Variants in B3GALT5 observed in about 807,000 individuals in gnomAD.
B3GALT5 encodes beta-1,3-galactosyltransferase 5.
For synonymous variants in B3GALT5, 156 were observed against 158.6 expected (o/e 0.98, Z 0.12); for missense variants, 328 against 396.6 (o/e 0.83, Z 1.47).
intron 2 of B3GALT5, among the ~76,000 whole-genome samples, chr21:39,653,461 C>T (rs2079413970): frequency 6.6e-6 from 1 of 152,158 alleles, no homozygotes; most frequent in African/African-American, 2.4e-5. Flanking sequence ...AGTGGAGGGT[C>T]CTGGAGGGGC....
At chr21:39,634,971 C>T (rs1033699694) in intron 1 of B3GALT5, among the ~76,000 whole-genome samples, 1 of 152,166 alleles carries the variant, frequency 6.6e-6, no homozygotes, top group Non-Finnish European at 1.5e-5. Context: ...TTTGTCATCT[C>T]AAGGCAGAAA....
At chr21:39,639,359 C>CTTCCTTCCTTCT (rs2079261722) in intron 1 of B3GALT5, among the ~76,000 whole-genome samples, 1 of 100,540 alleles carries the variant, frequency 9.9e-6, no homozygotes, top group African/African-American at 3.6e-5. Context: ...TCCTTCCTTC[C>CTTCCTTCCTTCT]TTCCTTCCTT....
intron 2 of B3GALT5, among the ~76,000 whole-genome samples, chr21:39,656,567 C>T (rs1220409179): frequency 6.6e-6 from 1 of 152,204 alleles, no homozygotes; most frequent in Non-Finnish European, 1.5e-5. Context: ...CATAGTGGGG[C>T]TTGGCCATTG....
intron 1 of B3GALT5, among the ~76,000 whole-genome samples, chr21:39,626,389 T>G (rs145804621): frequency 6.6e-6 from 1 of 152,206 alleles, no homozygotes; most frequent in Admixed American, 6.5e-5. Context: ...ACTATGAATA[T>G]GGTTGTACAA....
chr21:39,625,043 C>G (rs2079156721), intron 1 of B3GALT5, among the ~76,000 whole-genome samples: 1 of 152,204 alleles, frequency 6.6e-6, no homozygotes, highest in South Asian at 2.1e-4. Flanking sequence ...ACATTGTAGA[C>G]TATGGTGTAA....
chr21:39,635,403 T>A (rs1479656950), intron 1 of B3GALT5, among the ~76,000 whole-genome samples: 1 of 152,204 alleles, frequency 6.6e-6, no homozygotes, highest in Admixed American at 6.5e-5. Flanking sequence ...CGGATGCGTT[T>A]GAGTTTCCTG....
Position 39,640,959 on chromosome 21 carries a change from C to T in B3GALT5, c.-391-5433C>T, listed in dbSNP as rs529536796. 3.9e-5 allele frequency among the ~76,000 whole-genome samples: 6 copies of T among 151,986 alleles called. No individual in the cohort carries two copies. In the East Asian group the frequency reaches 9.7e-4, roughly 25 times the overall value. On this transcript the variant is annotated intron_variant, in intron 1 of 3. Coordinates refer to ENST00000684187, the MANE Select transcript of B3GALT5 (RefSeq NM_001356336.2). Reference sequence around the variant, plus strand: ...CTCACTATGTTGCCCAGGCTGGTGTCGTCTCGAACTCCTGGGCTCAAGCGA... The same window carrying T: ...CTCACTATGTTGCCCAGGCTGGTGTTGTCTCGAACTCCTGGGCTCAAGCGA...
chr21:39,653,432 C>G (rs962410285), intron 2 of B3GALT5, among the ~76,000 whole-genome samples: 1 of 152,212 alleles, frequency 6.6e-6, no homozygotes, highest in African/African-American at 2.4e-5. Flanking sequence ...CCTTTGCAAT[C>G]TGGCTCTTGA....
At chr21:39,654,628 A>G (rs2079424451) in intron 2 of B3GALT5, among the ~76,000 whole-genome samples, 1 of 152,226 alleles carries the variant, frequency 6.6e-6, no homozygotes. Flanking sequence ...CTACAGAGAA[A>G]TCTATCATGA....
At chr21:39,628,965 C>A (rs1190903121) in intron 1 of B3GALT5, among the ~76,000 whole-genome samples, 2 of 152,106 alleles carry the variant, frequency 1.3e-5, no homozygotes, top group Non-Finnish European at 2.9e-5. Flanking sequence ...CTTGAGATTC[C>A]ACCCAGTTCC....
intron 1 of B3GALT5, among the ~76,000 whole-genome samples, chr21:39,627,230 G>A (rs115278662): frequency 6.6e-6 from 1 of 152,160 alleles, no homozygotes; most frequent in Non-Finnish European, 1.5e-5. Context: ...TGTTCTTGAG[G>A]CTCCTTTGAT....
intron 1 of B3GALT5, among the ~76,000 whole-genome samples, chr21:39,623,431 C>A (rs1279091648): frequency 6.6e-6 from 1 of 151,798 alleles, no homozygotes; most frequent in Non-Finnish European, 1.5e-5. Flanking sequence ...TGTCCTGTAT[C>A]CCTTGACATA....
In B3GALT5 at chr21:39,665,523, G is replaced by A. The variant is rs2079570622; in HGVS notation, c.*4031G>A. 1 of 152,186 alleles carries A rather than the reference G, an allele frequency of 6.6e-6. No homozygotes were observed. Among genetic ancestry groups the A allele is most frequent in the Non-Finnish European group, 1.5e-5 (1 of 68,108 alleles). 9.4% of individuals were successfully genotyped at this position (152,186 alleles called of 1,614,324 possible). A position where few individuals can be genotyped will look rare whatever the true frequency, so the allele number is the denominator to read the frequency against. ...TGTGATTCCCTAATCGTGTCCCTTT[G>A]CTCACTCCCTCTGGCCTCTTGCTGT... On this transcript the variant is annotated 3_prime_UTR_variant, in exon 4 of 4. Coordinates refer to ENST00000684187, the MANE Select transcript of B3GALT5 (RefSeq NM_001356336.2).
Position 39,670,850 on chromosome 21 carries a change from A to G in B3GALT5, c.*9358A>G, listed in dbSNP as rs1008947488. On this transcript the variant is annotated 3_prime_UTR_variant, in exon 4 of 4. Coordinates refer to ENST00000684187, the MANE Select transcript of B3GALT5 (RefSeq NM_001356336.2). ...AATCTAACAGCTGCCATGCACCCTC[A>G]TTTTAAAAACAGATGAGGCAATGTT... 6.6e-6 allele frequency: 1 copy of G among 152,192 alleles called. No homozygotes were observed. Among genetic ancestry groups the G allele is most frequent in the African/African-American group, 2.4e-5 (1 of 41,450 alleles). 9.4% of individuals were successfully genotyped at this position (152,192 alleles called of 1,614,324 possible). A position where few individuals can be genotyped will look rare whatever the true frequency, so the allele number is the denominator to read the frequency against.
Position 39,669,524 on chromosome 21 carries a change from A to G in B3GALT5, c.*8032A>G, listed in dbSNP as rs1414193429. ...TACAGAGCTTTCACTGGGTAAATAC[A>G]CAATGCTGAGAAGATTATCAGGGGC... is the stretch of plus-strand genomic sequence containing the variant. On this transcript the variant is annotated 3_prime_UTR_variant, in exon 4 of 4. Transcript: ENST00000684187. The G allele has an allele frequency of 6.6e-6, 1 of 152,168 alleles. No individual in the cohort carries two copies. The highest frequency in any genetic ancestry group is 2.4e-5 in the African/African-American group (1 of 41,414). 9.4% of individuals were successfully genotyped at this position (152,168 alleles called of 1,614,324 possible).
intron 1 of B3GALT5, among the ~76,000 whole-genome samples, chr21:39,616,238 C>A (rs945795905): frequency 6.6e-6 from 1 of 152,184 alleles, no homozygotes; most frequent in Admixed American, 6.6e-5. Context: ...CTCAGTGTTC[C>A]TATTCACGTT....
chr21:39,623,220 TCCCTCCCTCCCTCCCTCCCTC>T (rs2079144848), intron 1 of B3GALT5, among the ~76,000 whole-genome samples: 19 of 45,478 alleles, frequency 4.2e-4, no homozygotes, highest in African/African-American at 7.2e-4. Context: ...CCTCCCTCCC[TCCCTCCCTCCCTCCCTCCCTC>T]CCTTCCTTCC....
At chr21:39,651,266 G>A (rs1298274637) in intron 2 of B3GALT5, among the ~76,000 whole-genome samples, 1 of 152,168 alleles carries the variant, frequency 6.6e-6, no homozygotes, top group Admixed American at 6.5e-5. Context: ...CTCAAACTGG[G>A]TGGCTTAAAA....
intron 1 of B3GALT5, among the ~76,000 whole-genome samples, chr21:39,639,394 C>CTCTT (rs2079264363): frequency 2.2e-5 from 2 of 92,588 alleles, no homozygotes; most frequent in African/African-American, 8.0e-5. Flanking sequence ...TTCCTTCCTT[C>CTCTT]TTTCTTTTTC....
Sources: gnomAD v4.1 joint callset for allele counts (sites outside exome capture counted in the v4.1 genomes callset) on GRCh38, gnomAD v4.1.1 for gene constraint, MANE v1.5 for transcripts, NCBI Gene and HGNC (gene_info 2026-07-23, HGNC 2026-07-21) for gene names.